The following TENM2 variants were observed in gnomAD, a reference collection of about 807,000 sequenced individuals.
The protein encoded by TENM2 is teneurin transmembrane protein 2, also known as teneurin-2.
A neutral mutation model predicts 245.2 loss-of-function variants in TENM2; 52 were observed. That is an observed-to-expected ratio of 0.21 (90% CI 0.17 to 0.27). The LOEUF (loss-of-function observed/expected upper bound fraction) is 0.27. Ranked by LOEUF, TENM2 falls within the 10% of genes least tolerant of loss-of-function variation. The pLI, the probability that TENM2 is intolerant of heterozygous loss-of-function variation, is 1.00. For missense variants in TENM2, 3,046 were observed against 3,666.8 expected (o/e 0.83, Z 4.37); for synonymous variants, 1,363 against 1,438.9 (o/e 0.95, Z 1.19).
intron 12 of TENM2, among the ~76,000 whole-genome samples, chr5:168,157,910 TTGTTGTTGG>T (rs1413257512): frequency 6.6e-6 from 1 of 151,988 alleles, no homozygotes; most frequent in Non-Finnish European, 1.5e-5. Context: ...TTGTTGTTTG[TTGTTGTTGG>T]TGTTGTTGTT....
chr5:168,141,900 C>A (rs1178775714), intron 12 of TENM2, among the ~76,000 whole-genome samples: 1 of 152,194 alleles, frequency 6.6e-6, no homozygotes, highest in East Asian at 1.9e-4. Flanking sequence ...TTTTCACACA[C>A]ATACACAAAC....
At chr5:167,026,938 G>A in the TENM2 span, among the ~76,000 whole-genome samples, 5 of 152,078 alleles carry the variant, frequency 3.3e-5, no homozygotes, top group Non-Finnish European at 7.4e-5. Context: ...ACTAGTCAGC[G>A]TTTTGGTGGT....
chr5:168,173,169 T>A (rs1759005394), intron 13 of TENM2, among the ~76,000 whole-genome samples: 1 of 152,138 alleles, frequency 6.6e-6, no homozygotes, highest in Non-Finnish European at 1.5e-5. Flanking sequence ...ACAGGATGAT[T>A]TCATTTATGG....
the TENM2 span, among the ~76,000 whole-genome samples, chr5:167,171,582 G>C: frequency 6.6e-6 from 1 of 151,992 alleles, no homozygotes; most frequent in Non-Finnish European, 1.5e-5. Flanking sequence ...CTCCAGAACT[G>C]AAAAAACAAG....
At chr5:167,185,619 A>C in the TENM2 span, among the ~76,000 whole-genome samples, 1 of 152,142 alleles carries the variant, frequency 6.6e-6, no homozygotes, top group Non-Finnish European at 1.5e-5. Context: ...TGAGATTCTT[A>C]TCTAGTTAGT....
chr5:167,614,448 C>G (rs1777657493), intron 2 of TENM2, among the ~76,000 whole-genome samples: 1 of 152,078 alleles, frequency 6.6e-6, no homozygotes, highest in Non-Finnish European at 1.5e-5. Context: ...GAAGACAGCC[C>G]CAGGCCCCAG....
intron 2 of TENM2, among the ~76,000 whole-genome samples, chr5:167,495,423 A>C (rs1768750874): frequency 6.6e-6 from 1 of 152,048 alleles, no homozygotes. Context: ...AGGGTTGAAC[A>C]AGAGTAGTGA....
intron 3 of TENM2, among the ~76,000 whole-genome samples, chr5:167,887,277 A>C (rs1164495443): frequency 6.6e-6 from 1 of 152,258 alleles, no homozygotes; most frequent in Non-Finnish European, 1.5e-5. Flanking sequence ...GTCACCACTT[A>C]AAGACAAGGG....
At chr5:167,130,497 C>T in the TENM2 span, among the ~76,000 whole-genome samples, 2,496 of 152,288 alleles carry the variant, frequency 0.016, 124 homozygotes, top group Admixed American at 0.11. Flanking sequence ...TTGGAGCATT[C>T]ACTCAACGTC....
intron 12 of TENM2, among the ~76,000 whole-genome samples, chr5:168,154,808 A>AT (rs1757009853): frequency 6.6e-6 from 1 of 152,182 alleles, no homozygotes; most frequent in South Asian, 2.1e-4. Flanking sequence ...CATGGAAAGG[A>AT]TCACTGGCCT....
chr5:167,176,202 C>A, the TENM2 span, among the ~76,000 whole-genome samples: 2 of 152,200 alleles, frequency 1.3e-5, no homozygotes, highest in African/African-American at 4.8e-5. Context: ...TCTGTAGGAA[C>A]TTGACATTCT....
At chr5:167,716,919 T>C (rs149314072) in intron 2 of TENM2, among the ~76,000 whole-genome samples, 11 of 107,558 alleles carry the variant, frequency 1.0e-4, no homozygotes, top group East Asian at 5.4e-4. Context: ...TTATTTTATT[T>C]TATTTTATTT....
At chr5:167,896,946 A>G (rs1267268236) in intron 3 of TENM2, among the ~76,000 whole-genome samples, 1 of 152,246 alleles carries the variant, frequency 6.6e-6, no homozygotes. Context: ...CCCCAGCCTG[A>G]TTAAAGAGTG....
At chr5:167,270,711 C>G in the TENM2 span, among the ~76,000 whole-genome samples, 1 of 152,102 alleles carries the variant, frequency 6.6e-6, no homozygotes, top group Non-Finnish European at 1.5e-5. Flanking sequence ...AATTACAAAT[C>G]CAATGGCCAA....
intron 2 of TENM2, among the ~76,000 whole-genome samples, chr5:167,851,914 C>T (rs1418235733): frequency 6.6e-6 from 1 of 152,070 alleles, no homozygotes; most frequent in African/African-American, 2.4e-5. Flanking sequence ...TTAATTTATC[C>T]TATAATTTTT....
chr5:167,974,026 A>AG lies in TENM2; in HGVS notation c.948-18916dup, dbSNP rs1554163746. ...AAGGGAGGGAGGGAGGGAGGGAGGA[A>AG]GGAAGGAAGGAGAAGGAAGGAAGGG... On this transcript the variant is annotated intron_variant, in intron 4 of 28. Transcript: ENST00000518659. Among the ~76,000 whole-genome samples, 21 of 37,228 alleles carry AG rather than the reference A, an allele frequency of 5.6e-4. 2 individuals are homozygous for AG. In the South Asian group the frequency reaches 9.5e-3, roughly 17 times the overall value. 24.4% of individuals were successfully genotyped at this position (37,228 alleles called of 152,430 possible).
chr5:167,908,356 TCC>T (rs1467910040), intron 3 of TENM2, among the ~76,000 whole-genome samples: 2 of 46,424 alleles, frequency 4.3e-5, no homozygotes, highest in Non-Finnish European at 8.0e-5. Context: ...TCTCCTCCCC[TCC>T]CCCCTCTTCT....
At chr5:167,269,524 G>C in the TENM2 span, among the ~76,000 whole-genome samples, 2 of 123,924 alleles carry the variant, frequency 1.6e-5, no homozygotes, top group African/African-American at 5.4e-5. Context: ...TAAAATAGTA[G>C]AAAATAGTGA....
At chr5:168,206,274 G>A (rs1019405270) in intron 19 of TENM2, among the ~76,000 whole-genome samples, 8 of 152,176 alleles carry the variant, frequency 5.3e-5, no homozygotes, top group Admixed American at 2.6e-4. Context: ...AGTGTGCCAG[G>A]GACTGAGAGG....
Sources: allele counts gnomAD v4.1 joint callset (sites outside exome capture counted in the v4.1 genomes callset), GRCh38; gene constraint gnomAD v4.1.1; transcripts MANE v1.5; gene names NCBI Gene and HGNC (gene_info 2026-07-23, HGNC 2026-07-21).